SPAG16: variants seen among roughly 807,000 people sequenced by gnomAD.
SPAG16 encodes sperm-associated antigen 16 protein.
A neutral mutation model predicts 80.4 loss-of-function variants in SPAG16; 86 were observed. That is an observed-to-expected ratio of 1.07 (90% CI 0.90 to 1.28). The LOEUF (loss-of-function observed/expected upper bound fraction) is 1.28. Among genes scored for constraint, SPAG16 ranks in the 50% most tolerant of loss-of-function variants. SPAG16 has a pLI of 0.00. For missense variants in SPAG16, 870 were observed against 765.3 expected, an observed-to-expected ratio of 1.14 and a Z score of -1.61; for synonymous variants, 294 against 265.9, an observed-to-expected ratio of 1.11 and a Z score of -1.03.
rs945854244 is a variant in SPAG16, at chr2:213,489,821, A to G, written c.943-142A>G. 5.2e-6 allele frequency: 3 copies of G among 575,774 alleles called. No individual in the cohort carries two copies. The African/African-American group carries it at 5.9e-5, about 11-fold the overall frequency. The allele number at this position is 575,774 out of a possible 1,614,324, so 35.7% of individuals were successfully genotyped here. On this transcript the variant is annotated intron_variant, in intron 9 of 15. Transcript: ENST00000331683. ...TTATCTTTTTAAATATTTTCTCAAAACTAAAATTGGAAATGAAGGACTTCA... is the reference window on the plus strand; with the variant it reads ...TTATCTTTTTAAATATTTTCTCAAAGCTAAAATTGGAAATGAAGGACTTCA...
chr2:214,177,888 A>AATATATATATACATAT (rs1161077097), intron 15 of SPAG16, among the ~76,000 whole-genome samples: 3 of 99,824 alleles, frequency 3.0e-5, no homozygotes, highest in Non-Finnish European at 5.7e-5. Context: ...AAAAAAGCAG[A>AATATATATATACATAT]ATATATATAT....
intron 12 of SPAG16, among the ~76,000 whole-genome samples, chr2:213,964,818 T>C (rs994279476): frequency 1.3e-5 from 2 of 152,236 alleles, no homozygotes; most frequent in African/African-American, 4.8e-5. Flanking sequence ...CCCTGGACTT[T>C]TCATTAATTC....
intron 15 of SPAG16, among the ~76,000 whole-genome samples, chr2:214,377,731 G>C (rs34970936): frequency 0.3 from 44,851 of 151,978 alleles, 7,787 homozygotes; most frequent in South Asian, 0.55. Context: ...GTATTGAAGG[G>C]TCAACCATAC....
At chr2:213,593,353 C>T (rs1269281286) in intron 10 of SPAG16, among the ~76,000 whole-genome samples, 1 of 152,132 alleles carries the variant, frequency 6.6e-6, no homozygotes, top group Non-Finnish European at 1.5e-5. Context: ...ATGGACTTAT[C>T]ATCACAATTT....
intron 11 of SPAG16, among the ~76,000 whole-genome samples, chr2:213,892,325 G>A (rs1575474337): frequency 6.6e-6 from 1 of 151,960 alleles, no homozygotes; most frequent in African/African-American, 2.4e-5. Context: ...GTGAGGAAAT[G>A]TATCCAATAA....
intron 1 of SPAG16, among the ~76,000 whole-genome samples, chr2:213,287,166 A>G (rs929499740): frequency 1.3e-5 from 2 of 152,232 alleles, no homozygotes; most frequent in Admixed American, 1.3e-4. Flanking sequence ...CATTAGAAAA[A>G]TACTTGCAGC....
At chr2:214,091,530 T>C (rs1202626442) in intron 13 of SPAG16, among the ~76,000 whole-genome samples, 1 of 152,080 alleles carries the variant, frequency 6.6e-6, no homozygotes, top group Admixed American at 6.6e-5. Context: ...CAATCAGTAA[T>C]GTGTTTACAA....
chr2:214,147,498 T>G (rs2055711930), intron 14 of SPAG16, among the ~76,000 whole-genome samples: 1 of 152,154 alleles, frequency 6.6e-6, no homozygotes, highest in Admixed American at 6.5e-5. Flanking sequence ...ACCTACTCTG[T>G]TCCCAAAATT....
intron 11 of SPAG16, among the ~76,000 whole-genome samples, chr2:213,898,804 A>G (rs1045743120): frequency 2.0e-5 from 3 of 152,158 alleles, no homozygotes; most frequent in Admixed American, 6.6e-5. Context: ...ATAGCTCAAA[A>G]TATTAGAGAC....
chr2:213,530,218 C>T (rs1364807095), intron 10 of SPAG16, among the ~76,000 whole-genome samples: 8 of 152,118 alleles, frequency 5.3e-5, no homozygotes, highest in African/African-American at 1.4e-4. Context: ...TTATCATTAC[C>T]GAGTATTATG....
chr2:213,745,229 T>C (rs2067763053), intron 10 of SPAG16, among the ~76,000 whole-genome samples: 1 of 152,198 alleles, frequency 6.6e-6, no homozygotes, highest in Non-Finnish European at 1.5e-5. Flanking sequence ...ATTCATATTT[T>C]AAATATGTAG....
chr2:213,557,467 G>A (rs1273614016), intron 10 of SPAG16, among the ~76,000 whole-genome samples: 1 of 151,856 alleles, frequency 6.6e-6, no homozygotes, highest in Non-Finnish European at 1.5e-5. Flanking sequence ...ATAATTATAT[G>A]TATACCATTA....
intron 11 of SPAG16, among the ~76,000 whole-genome samples, chr2:213,915,417 A>G (rs1404634553): frequency 3.3e-5 from 5 of 151,966 alleles, no homozygotes; most frequent in Non-Finnish European, 7.4e-5. Flanking sequence ...GCTGAGAATG[A>G]TGGTTTCCAG....
chr2:213,986,725 G>C (rs537581794), intron 12 of SPAG16, among the ~76,000 whole-genome samples: 4 of 151,580 alleles, frequency 2.6e-5, no homozygotes, highest in African/African-American at 9.7e-5. Flanking sequence ...GACATAATAG[G>C]TTTTAAACTA....
intron 15 of SPAG16, among the ~76,000 whole-genome samples, chr2:214,330,647 T>G (rs1041277048): frequency 7.4e-6 from 1 of 134,454 alleles, no homozygotes; most frequent in African/African-American, 4.0e-5. Context: ...GGTTTGAAAC[T>G]TTGACCCCTA....
chr2:214,281,937 A>C (rs1692970933), intron 15 of SPAG16, among the ~76,000 whole-genome samples: 1 of 152,222 alleles, frequency 6.6e-6, no homozygotes, highest in Admixed American at 6.5e-5. Flanking sequence ...CCATTTATAT[A>C]GAACTCAAAA....
intron 10 of SPAG16, among the ~76,000 whole-genome samples, chr2:213,658,384 C>G (rs2063299031): frequency 6.6e-6 from 1 of 152,120 alleles, no homozygotes; most frequent in African/African-American, 2.4e-5. Context: ...ATGTATTATT[C>G]CTGTGTAGTC....
intron 11 of SPAG16, among the ~76,000 whole-genome samples, chr2:213,872,295 T>C (rs1278903853): frequency 6.6e-6 from 1 of 152,052 alleles, no homozygotes; most frequent in Non-Finnish European, 1.5e-5. Flanking sequence ...AAACTTATTT[T>C]GTACTTATGG....
At chr2:213,407,853 C>CAG (rs1175197167) in intron 9 of SPAG16, among the ~76,000 whole-genome samples, 1 of 83,376 alleles carries the variant, frequency 1.2e-5, no homozygotes, top group Non-Finnish European at 2.3e-5. Flanking sequence ...AGGAGAGAGG[C>CAG]AGAGAGAGAG....
Sources: allele counts gnomAD v4.1 joint callset (sites outside exome capture counted in the v4.1 genomes callset), GRCh38; gene constraint gnomAD v4.1.1; transcripts MANE v1.5; gene names NCBI Gene and HGNC (gene_info 2026-07-23, HGNC 2026-07-21).